Variants in SEMA3C observed in about 807,000 individuals in gnomAD.
SEMA3C encodes the protein semaphorin 3C, also known as semaphorin-3C.
SEMA3C carries 47 observed loss-of-function variants against 89.4 expected under a neutral mutation model. That is an observed-to-expected ratio of 0.53 (90% CI 0.42 to 0.67). The LOEUF is 0.67. Ranked by LOEUF, SEMA3C falls within the 30% of genes least tolerant of loss-of-function variation. The pLI, the probability that SEMA3C is intolerant of heterozygous loss-of-function variation, is 0.00. For synonymous variants in SEMA3C, 310 were observed against 320.2 expected (o/e 0.97, Z 0.34); for missense variants, 839 against 929.1 (o/e 0.90, Z 1.26).
At chr7:80,770,152 T>C (rs1028593058) in intron 12 of SEMA3C, among the ~76,000 whole-genome samples, 3 of 152,306 alleles carry the variant, frequency 2.0e-5, no homozygotes, top group Non-Finnish European at 4.4e-5. Context: ...TACATAGGCA[T>C]TGGACTCAAG....
intron 16 of SEMA3C, 24 bp from the exon 17 acceptor site, chr7:80,749,052 A>G (rs1787865777): frequency 6.3e-7 from 1 of 1,579,446 alleles, no homozygotes; most frequent in Non-Finnish European, 8.6e-7. Flanking sequence ...ATAAAAGGCG[A>G]GAGAGAAAGA....
chr7:80,782,879 A>C (rs1411878275), intron 12 of SEMA3C, among the ~76,000 whole-genome samples: 1 of 152,202 alleles, frequency 6.6e-6, no homozygotes, highest in Non-Finnish European at 1.5e-5. Flanking sequence ...GAAAAAGATA[A>C]GCACTGCAGA....
chr7:80,861,844 C>A (rs1044476445), intron 2 of SEMA3C, among the ~76,000 whole-genome samples: 4 of 152,124 alleles, frequency 2.6e-5, no homozygotes, highest in African/African-American at 9.7e-5. Context: ...ACCAAAATCA[C>A]ACGATCATCT....
At chr7:80,778,765 A>C (rs1788624724) in intron 12 of SEMA3C, among the ~76,000 whole-genome samples, 2 of 152,194 alleles carry the variant, frequency 1.3e-5, no homozygotes, top group South Asian at 4.1e-4. Context: ...ACCTACTACC[A>C]GGGCACTCAG....
intron 12 of SEMA3C, among the ~76,000 whole-genome samples, chr7:80,778,310 A>G (rs1195329177): frequency 6.6e-6 from 1 of 152,206 alleles, no homozygotes. Context: ...CACACCTTCA[A>G]TAATGCAGGT....
intron 5 of SEMA3C, 142 bp downstream of exon 5, chr7:80,818,157 A>T: frequency 1.3e-6 from 1 of 788,280 alleles, no homozygotes; most frequent in South Asian, 2.9e-5. Context: ...GGCAGACAGG[A>T]AAAAATGTAA....
intron 2 of SEMA3C, among the ~76,000 whole-genome samples, chr7:80,890,764 T>G (rs1791592572): frequency 6.6e-6 from 1 of 152,244 alleles, no homozygotes; most frequent in African/African-American, 2.4e-5. Flanking sequence ...CTAGCTAATA[T>G]GATATTATTT....
intron 11 of SEMA3C, among the ~76,000 whole-genome samples, chr7:80,791,737 A>G (rs1788944607): frequency 6.6e-6 from 1 of 152,190 alleles, no homozygotes; most frequent in African/African-American, 2.4e-5. Flanking sequence ...ACTCAGTAAA[A>G]AAAGAACAGC....
Position 80,880,570 on chromosome 7 carries a change from A to T in SEMA3C, c.103+36109T>A, listed in dbSNP as rs1791310409. 2.0e-5 allele frequency among the ~76,000 whole-genome samples: 3 copies of T among 152,294 alleles called. No individual in the cohort carries two copies. The South Asian group carries it at 6.2e-4, about 32-fold the overall frequency. ...TTCAAAATATCTATGCCTGGGGGGA[A>T]ATGCAACTGAAATGTGTTCACTTTT... On this transcript the variant is annotated intron_variant, in intron 2 of 17. Coordinates refer to ENST00000265361, the MANE Select transcript of SEMA3C (RefSeq NM_006379.5).
At chr7:80,761,809 C>A in intron 13 of SEMA3C, 152 bp from the exon 14 acceptor site, 1 of 504,858 alleles carries the variant, frequency 2.0e-6, no homozygotes. Context: ...AATACATTTG[C>A]ATATACTTGT....
intron 2 of SEMA3C, among the ~76,000 whole-genome samples, chr7:80,858,181 G>C (rs1463077271): frequency 6.6e-6 from 1 of 152,078 alleles, no homozygotes; most frequent in Non-Finnish European, 1.5e-5. Flanking sequence ...GTATAAGGAG[G>C]AAGGCTTTCA....
chr7:80,802,238 T>C (rs946840723), intron 9 of SEMA3C, among the ~76,000 whole-genome samples: 1 of 152,118 alleles, frequency 6.6e-6, no homozygotes, highest in Non-Finnish European at 1.5e-5. Flanking sequence ...ATTTCTACTC[T>C]GACACTTTTT....
chr7:80,801,437 C>A (rs1789205479), intron 9 of SEMA3C, among the ~76,000 whole-genome samples: 12 of 151,670 alleles, frequency 7.9e-5, no homozygotes, highest in Admixed American at 7.2e-4. Flanking sequence ...TGTAGTAAGG[C>A]AAAAACAAAA....
At position 80,758,687 on chromosome 7, in the gene SEMA3C, T is replaced by G. The variant is rs114189587; in HGVS notation, c.1486-199A>C. On this transcript the variant is annotated intron_variant, in intron 14 of 17. Transcript: ENST00000265361. Reference sequence around the variant, plus strand: ...TTAATATGCCTATAGCATTACCACTTTTCTGTTAAAAAAGAAAAGCTCAAA... The same window carrying G: ...TTAATATGCCTATAGCATTACCACTGTTCTGTTAAAAAAGAAAAGCTCAAA... Among the ~76,000 whole-genome samples, 965 of 152,318 alleles carry G rather than the reference T, an allele frequency of 6.3e-3. 10 individuals carry two copies. The highest frequency in any genetic ancestry group is 0.022 in the African/African-American group (927 of 41,560).
chr7:80,814,169 C>A (rs566614804), intron 5 of SEMA3C, among the ~76,000 whole-genome samples: 1 of 151,026 alleles, frequency 6.6e-6, no homozygotes, highest in Admixed American at 6.6e-5. Context: ...AGCTCACTGG[C>A]GAGCTCCGCC....
chr7:80,845,861 C>G (rs953216622), intron 2 of SEMA3C, among the ~76,000 whole-genome samples: 2 of 152,140 alleles, frequency 1.3e-5, no homozygotes, highest in Non-Finnish European at 2.9e-5. Flanking sequence ...TAATTTACCA[C>G]CCAAACACTA....
intron 2 of SEMA3C, among the ~76,000 whole-genome samples, chr7:80,864,086 T>C (rs894371047): frequency 2.6e-5 from 4 of 151,896 alleles, no homozygotes; most frequent in Admixed American, 1.3e-4. Flanking sequence ...ATTAACAGCA[T>C]TGGCAGCAAC....
chr7:80,845,325 C>T (rs1017993181), intron 2 of SEMA3C, among the ~76,000 whole-genome samples: 5 of 152,020 alleles, frequency 3.3e-5, no homozygotes, highest in African/African-American at 1.2e-4. Flanking sequence ...CGTGCATTTC[C>T]TGAGTACTTC....
intron 2 of SEMA3C, among the ~76,000 whole-genome samples, chr7:80,833,429 C>A (rs758144325): frequency 6.6e-6 from 1 of 151,674 alleles, no homozygotes; most frequent in Non-Finnish European, 1.5e-5. Flanking sequence ...CCATTGCACT[C>A]CAGCCTGGGG....
Sources: allele counts gnomAD v4.1 joint callset (sites outside exome capture counted in the v4.1 genomes callset), GRCh38; gene constraint gnomAD v4.1.1; transcripts MANE v1.5; gene names NCBI Gene and HGNC (gene_info 2026-07-23, HGNC 2026-07-21).